DOK6: variants seen among roughly 807,000 people sequenced by gnomAD.
The protein encoded by DOK6 is docking protein 6.
DOK6 carries 22 observed loss-of-function variants against 44.0 expected under a neutral mutation model. That is an observed-to-expected ratio of 0.50 (90% confidence interval 0.36 to 0.71). The LOEUF (loss-of-function observed/expected upper bound fraction) is 0.71. Among genes scored for constraint, DOK6 ranks in the 30% least tolerant of loss-of-function variants. The pLI is 0.00. For synonymous variants in DOK6, 166 were observed against 145.5 expected, an observed-to-expected ratio of 1.14 and a Z score of -1.01; for missense variants, 340 against 416.4, an observed-to-expected ratio of 0.82 and a Z score of 1.60.
At chr18:69,611,581 C>G (rs923992912) in intron 3 of DOK6, among the ~76,000 whole-genome samples, 2 of 151,776 alleles carry the variant, frequency 1.3e-5, no homozygotes, top group Non-Finnish European at 2.9e-5. Flanking sequence ...GGAAAGAACT[C>G]AGATGTCCTT....
intron 7 of DOK6, among the ~76,000 whole-genome samples, chr18:69,824,058 ATTATACT>A (rs1322111256): frequency 6.6e-6 from 1 of 151,542 alleles, no homozygotes; most frequent in Non-Finnish European, 1.5e-5. Context: ...TTTTTTAAAA[ATTATACT>A]TTAAGTTTTA....
At chr18:69,429,616 G>GATATAT (rs1978740354) in intron 1 of DOK6, among the ~76,000 whole-genome samples, 4 of 78,154 alleles carry the variant, frequency 5.1e-5, no homozygotes, top group South Asian at 4.6e-4. Context: ...AATATTGAGG[G>GATATAT]ATACATATAT....
At chr18:69,502,768 C>T (rs139187107) in intron 1 of DOK6, among the ~76,000 whole-genome samples, 312 of 152,170 alleles carry the variant, frequency 2.1e-3, no homozygotes, top group African/African-American at 6.7e-3. Context: ...TCAAACAGCA[C>T]GCTCCTTTAT....
chr18:69,673,487 C>A (rs937725332), intron 3 of DOK6, among the ~76,000 whole-genome samples: 1 of 152,134 alleles, frequency 6.6e-6, no homozygotes, highest in African/African-American at 2.4e-5. Flanking sequence ...CATACTTTCC[C>A]CAGAATTCTG....
intron 7 of DOK6, among the ~76,000 whole-genome samples, chr18:69,777,129 A>T (rs954281785): frequency 4.8e-5 from 5 of 105,076 alleles, no homozygotes; most frequent in African/African-American, 1.4e-4. Context: ...GTACCCTAAA[A>T]CTTAAAGTAT....
intron 1 of DOK6, among the ~76,000 whole-genome samples, chr18:69,513,906 C>G (rs1981443895): frequency 2.0e-5 from 3 of 151,600 alleles, no homozygotes; most frequent in Non-Finnish European, 4.4e-5. Flanking sequence ...TAGTATTTGT[C>G]AGATTAAAAT....
At chr18:69,588,427 A>G (rs992550910) in intron 2 of DOK6, among the ~76,000 whole-genome samples, 1 of 152,116 alleles carries the variant, frequency 6.6e-6, no homozygotes, top group African/African-American at 2.4e-5. Flanking sequence ...TCTTCAATCT[A>G]GTAGAGTGGC....
chr18:69,575,203 G>A (rs1032560067), intron 2 of DOK6, among the ~76,000 whole-genome samples: 3 of 152,084 alleles, frequency 2.0e-5, no homozygotes, highest in African/African-American at 4.8e-5. Flanking sequence ...AGACAGGGTG[G>A]TGGATGCATG....
chr18:69,704,749 G>T (rs1283958970), intron 5 of DOK6, among the ~76,000 whole-genome samples: 1 of 152,136 alleles, frequency 6.6e-6, no homozygotes, highest in Admixed American at 6.5e-5. Context: ...AAAGTGCTGG[G>T]ATTACAGGCG....
At chr18:69,505,644 C>T (rs1771035626) in intron 1 of DOK6, among the ~76,000 whole-genome samples, 1 of 151,488 alleles carries the variant, frequency 6.6e-6, no homozygotes, top group South Asian at 2.1e-4. Context: ...ACTACAGGCG[C>T]CCACCACCAC....
chr18:69,712,108 C>T (rs889607957), intron 5 of DOK6, among the ~76,000 whole-genome samples: 23 of 149,608 alleles, frequency 1.5e-4, no homozygotes, highest in Admixed American at 5.3e-4. Flanking sequence ...GGTGAAACCC[C>T]GTCTCTACTA....
chr18:69,520,955 G>A (rs771797884), intron 1 of DOK6, among the ~76,000 whole-genome samples: 2 of 151,872 alleles, frequency 1.3e-5, no homozygotes, highest in African/African-American at 4.8e-5. Flanking sequence ...GTTTGTCTGA[G>A]TAGAATATGG....
intron 7 of DOK6, among the ~76,000 whole-genome samples, chr18:69,797,835 A>G (rs1486665448): frequency 6.6e-6 from 1 of 152,126 alleles, no homozygotes. Context: ...GGCAGGCAGT[A>G]GTGCACTAAA....
chr18:69,574,845 C>T (rs1395058294), intron 2 of DOK6, among the ~76,000 whole-genome samples: 1 of 151,988 alleles, frequency 6.6e-6, no homozygotes, highest in Non-Finnish European at 1.5e-5. Context: ...TAGGGTAATA[C>T]ACTATGTAAC....
intron 2 of DOK6, among the ~76,000 whole-genome samples, chr18:69,598,029 A>G (rs1983786624): frequency 6.6e-6 from 1 of 152,104 alleles, no homozygotes; most frequent in South Asian, 2.1e-4. Flanking sequence ...CCAATTGCTC[A>G]TTTCCATCCA....
chr18:69,457,869 C>T (rs184850479), intron 1 of DOK6, among the ~76,000 whole-genome samples: 36 of 152,242 alleles, frequency 2.4e-4, no homozygotes, highest in Admixed American at 1.7e-3. Context: ...ACATGCCAGG[C>T]GTGGTGGCTC....
intron 1 of DOK6, among the ~76,000 whole-genome samples, 174 bp downstream of exon 1, chr18:69,401,484 G>C (rs996946230): frequency 3.5e-4 from 54 of 152,124 alleles, no homozygotes; most frequent in Admixed American, 9.1e-4. Flanking sequence ...CTGCCGGGGG[G>C]CTCCGCAGAC....
chr18:69,807,704 C>G (rs928076859), intron 7 of DOK6, among the ~76,000 whole-genome samples: 1 of 151,642 alleles, frequency 6.6e-6, no homozygotes, highest in Non-Finnish European at 1.5e-5. Context: ...CAAATAAGAT[C>G]ATTATATAAT....
At chr18:69,421,766 C>A (rs1320492083) in intron 1 of DOK6, among the ~76,000 whole-genome samples, 2 of 152,060 alleles carry the variant, frequency 1.3e-5, no homozygotes, top group Non-Finnish European at 2.9e-5. Flanking sequence ...TAAACGTATT[C>A]ATTGGACAAA....
Sources: gnomAD v4.1 joint callset for allele counts (sites outside exome capture counted in the v4.1 genomes callset) on GRCh38, gnomAD v4.1.1 for gene constraint, MANE v1.5 for transcripts, NCBI Gene and HGNC (gene_info 2026-07-23, HGNC 2026-07-21) for gene names.